The following PDK1 variants were observed in gnomAD, a reference collection of about 807,000 sequenced individuals.
The protein encoded by PDK1 is pyruvate dehydrogenase kinase 1.
PDK1 carries 39 observed loss-of-function variants against 54.2 expected under a neutral mutation model. The observed-to-expected ratio is 0.72, with a 90% CI of 0.56 to 0.94. The LOEUF is 0.94. Ranked by LOEUF, PDK1 falls within the 40% of genes least tolerant of loss-of-function variation. PDK1 has a pLI of 0.00. For missense variants in PDK1, 552 were observed against 566.0 expected (o/e 0.98, Z 0.25); for synonymous variants, 221 against 207.1 (o/e 1.07, Z -0.58).
At chr2:172,668,111 G>A in the PDK1 span, among the ~76,000 whole-genome samples, 1 of 152,144 alleles carries the variant, frequency 6.6e-6, no homozygotes, top group African/African-American at 2.4e-5. Flanking sequence ...CTCCACTTCT[G>A]TTTTCTGGAC....
chr2:172,655,071 A>T, the PDK1 span, among the ~76,000 whole-genome samples: 1 of 152,126 alleles, frequency 6.6e-6, no homozygotes, highest in Non-Finnish European at 1.5e-5. Flanking sequence ...TGGATTTTGG[A>T]TGATAAGGGG....
the PDK1 span, among the ~76,000 whole-genome samples, chr2:172,654,831 G>A: frequency 6.6e-6 from 1 of 151,960 alleles, no homozygotes; most frequent in Non-Finnish European, 1.5e-5. Context: ...GCAAGTCTAC[G>A]GCCTCCCTAC....
chr2:172,566,093 TA>T (rs1355425686), intron 5 of PDK1, among the ~76,000 whole-genome samples: 2 of 152,262 alleles, frequency 1.3e-5, no homozygotes, highest in Non-Finnish European at 2.9e-5. Flanking sequence ...GAGTGTTTCC[TA>T]ACCAACTCTT....
intron 3 of PDK1, among the ~76,000 whole-genome samples, chr2:172,563,548 C>A (rs1688767785): frequency 6.6e-6 from 1 of 152,120 alleles, no homozygotes; most frequent in Admixed American, 6.5e-5. Context: ...ATTAAGACTT[C>A]TTGGGCCGGG....
At chr2:172,589,127 T>G (rs1260359375) in intron 9 of PDK1, among the ~76,000 whole-genome samples, 1 of 152,156 alleles carries the variant, frequency 6.6e-6, no homozygotes, top group Non-Finnish European at 1.5e-5. Context: ...AGCCCATAAG[T>G]ATGGTCAAGA....
chr2:172,562,415 G>A (rs765248732), intron 3 of PDK1, 124 bp downstream of exon 3: 71 of 678,760 alleles, frequency 1.0e-4, no homozygotes, highest in Non-Finnish European at 1.6e-4. Context: ...AGCCCATACA[G>A]GCAGGACAAA....
At chr2:172,703,800 G>A in the PDK1 span, among the ~76,000 whole-genome samples, 31 of 87,334 alleles carry the variant, frequency 3.5e-4, 1 homozygote, top group African/African-American at 1.7e-3. Context: ...ATAGAGTCTC[G>A]CTCTATCGCC....
the PDK1 span, among the ~76,000 whole-genome samples, chr2:172,642,149 A>G: frequency 3.9e-5 from 6 of 152,226 alleles, no homozygotes; most frequent in African/African-American, 1.4e-4. Flanking sequence ...GGAAGAATAC[A>G]GAGCGGAATG....
the PDK1 span, among the ~76,000 whole-genome samples, chr2:172,653,842 A>G: frequency 1.4e-4 from 21 of 152,222 alleles, no homozygotes; most frequent in African/African-American, 5.1e-4. Flanking sequence ...CAGGCAACCT[A>G]CAGAACGGGA....
At chr2:172,582,274 G>A (rs1190454846) in intron 8 of PDK1, among the ~76,000 whole-genome samples, 4 of 152,194 alleles carry the variant, frequency 2.6e-5, no homozygotes, top group Non-Finnish European at 5.9e-5. Context: ...TGATTTTACA[G>A]ACTTAACAGT....
the PDK1 span, among the ~76,000 whole-genome samples, chr2:172,662,329 G>T: frequency 6.0e-4 from 91 of 152,218 alleles, 1 homozygote; most frequent in South Asian, 0.013. Context: ...TGGATGAGAA[G>T]AAGCTTTTGT....
chr2:172,682,193 C>T, the PDK1 span, among the ~76,000 whole-genome samples: 36 of 152,284 alleles, frequency 2.4e-4, no homozygotes, highest in Non-Finnish European at 4.6e-4. Context: ...ATAGAGACCC[C>T]GAGGTGGGAC....
At chr2:172,668,136 T>G in the PDK1 span, among the ~76,000 whole-genome samples, 1 of 152,212 alleles carries the variant, frequency 6.6e-6, no homozygotes, top group African/African-American at 2.4e-5. Context: ...AATGTCTCAT[T>G]GAATTCCTTC....
chr2:172,596,811 G>A lies in PDK1; in HGVS notation c.*842G>A, dbSNP rs1288076682. 6.6e-6 allele frequency: 1 copy of A among 152,122 alleles called. No individual in the cohort carries two copies. The highest frequency in any genetic ancestry group is 1.5e-5 in the Non-Finnish European group (1 of 68,024). 9.4% of individuals were successfully genotyped at this position (152,122 alleles called of 1,614,324 possible). On this transcript the variant is annotated 3_prime_UTR_variant, in exon 11 of 11. Transcript: ENST00000282077. ...CATCCTACTCCAGATACACTGAATC[G>A]GAATCCCTAGGGCTAGAGCCTAGAA...
chr2:172,617,856 A>G, the PDK1 span, among the ~76,000 whole-genome samples: 7 of 152,224 alleles, frequency 4.6e-5, no homozygotes, highest in Non-Finnish European at 1.0e-4. Context: ...GTATATGCAA[A>G]CATACATATA....
the PDK1 span, among the ~76,000 whole-genome samples, chr2:172,711,912 A>G: frequency 6.7e-6 from 1 of 148,718 alleles, no homozygotes; most frequent in African/African-American, 2.4e-5. Flanking sequence ...TTTGCTCAAA[A>G]GGAGAGGAAG....
At chr2:172,557,999 TTTTTA>T (rs1688442684) in intron 1 of PDK1, among the ~76,000 whole-genome samples, 1 of 151,726 alleles carries the variant, frequency 6.6e-6, no homozygotes, top group Admixed American at 6.6e-5. Flanking sequence ...GCCCGGCTAT[TTTTTA>T]TTTTCTGTAT....
chr2:172,555,852 G>A (rs555167604), upstream of PDK1: 2 of 283,088 alleles, frequency 7.1e-6, no homozygotes, highest in East Asian at 6.3e-5. Context: ...GGCTGGGGCG[G>A]GATCTGGGCG....
the PDK1 span, among the ~76,000 whole-genome samples, chr2:172,618,115 G>A: frequency 6.6e-6 from 1 of 152,144 alleles, no homozygotes; most frequent in Non-Finnish European, 1.5e-5. Context: ...TTTAGTGGAA[G>A]CTTCCAAGTC....
Sources: gnomAD v4.1 joint callset for allele counts (sites outside exome capture counted in the v4.1 genomes callset) on GRCh38, gnomAD v4.1.1 for gene constraint, MANE v1.5 for transcripts, NCBI Gene and HGNC (gene_info 2026-07-23, HGNC 2026-07-21) for gene names.